The following FHIT variants were observed in gnomAD, a reference collection of about 807,000 sequenced individuals.
FHIT encodes fragile histidine triad diadenosine triphosphatase.
A neutral mutation model predicts 17.9 loss-of-function variants in FHIT; 19 were observed. That is an observed-to-expected ratio of 1.06 (90% confidence interval 0.74 to 1.56). The LOEUF is 1.56. FHIT is among the 40% of genes most tolerant of loss of function. The pLI, the probability that FHIT is intolerant of heterozygous loss-of-function variation, is 0.00. For missense variants in FHIT, 248 were observed against 189.2 expected, an observed-to-expected ratio of 1.31 and a Z score of -1.82; for synonymous variants, 81 against 69.7, an observed-to-expected ratio of 1.16 and a Z score of -0.81.
At chr3:60,861,181 T>G (rs1447683795) in intron 3 of FHIT, among the ~76,000 whole-genome samples, 1 of 23,936 alleles carries the variant, frequency 4.2e-5, no homozygotes, top group Non-Finnish European at 7.3e-5. Context: ...TTCTATGATA[T>G]ATATGATATA....
At chr3:60,403,209 G>C (rs1012497141) in intron 5 of FHIT, among the ~76,000 whole-genome samples, 2 of 152,212 alleles carry the variant, frequency 1.3e-5, no homozygotes, top group Non-Finnish European at 2.9e-5. Flanking sequence ...TTTAACAACA[G>C]AGCTGGGCAA....
chr3:60,634,840 T>C lies in FHIT; in HGVS notation c.-17-97861A>G, dbSNP rs142026373. ...GTCACAGGGATTTGTTTTAACATGA[T>C]TTCTTTTGCATTCCCATGTGGAAAA... On this transcript the variant is annotated intron_variant, in intron 4 of 9. Transcript: ENST00000492590. Among the ~76,000 whole-genome samples, 9 of 152,336 alleles carry C rather than the reference T, an allele frequency of 5.9e-5. No homozygotes were observed. In the East Asian group the frequency reaches 1.2e-3, roughly 20 times the overall value.
chr3:60,616,433 A>G (rs553525227), intron 4 of FHIT, among the ~76,000 whole-genome samples: 7 of 152,278 alleles, frequency 4.6e-5, no homozygotes, highest in Admixed American at 1.3e-4. Context: ...TCTTTTTTAA[A>G]ATTTTTTTAA....
chr3:60,136,857 T>C (rs969022560), intron 5 of FHIT, among the ~76,000 whole-genome samples: 1 of 144,484 alleles, frequency 6.9e-6, no homozygotes, highest in Non-Finnish European at 1.5e-5. Context: ...TATGGATTAG[T>C]AACAGTCTGA....
intron 5 of FHIT, among the ~76,000 whole-genome samples, chr3:60,468,531 C>G (rs1006866463): frequency 2.0e-5 from 3 of 152,052 alleles, no homozygotes; most frequent in Admixed American, 6.6e-5. Context: ...TTATATTAAA[C>G]AGATGACAAC....
At chr3:60,364,531 A>T (rs938447951) in intron 5 of FHIT, among the ~76,000 whole-genome samples, 1 of 152,238 alleles carries the variant, frequency 6.6e-6, no homozygotes, top group African/African-American at 2.4e-5. Flanking sequence ...GAATGAATAT[A>T]TTGCTGTTAC....
intron 4 of FHIT, among the ~76,000 whole-genome samples, chr3:60,642,263 G>A (rs1425111438): frequency 2.0e-5 from 3 of 152,178 alleles, no homozygotes; most frequent in Admixed American, 2.0e-4. Flanking sequence ...GCGGGGGATG[G>A]AGAATTACCA....
At chr3:60,311,490 G>A (rs1413717169) in intron 5 of FHIT, among the ~76,000 whole-genome samples, 1 of 152,234 alleles carries the variant, frequency 6.6e-6, no homozygotes, top group Middle Eastern at 3.4e-3. Context: ...TATGGCTACT[G>A]TGTTTTTCCA....
intron 5 of FHIT, among the ~76,000 whole-genome samples, chr3:60,122,046 A>T (rs1705281319): frequency 6.7e-6 from 1 of 148,888 alleles, no homozygotes. Context: ...GCAAATCTTA[A>T]ATTGTGATAG....
intron 1 of FHIT, among the ~76,000 whole-genome samples, chr3:61,239,017 G>A (rs1456921313): frequency 1.3e-5 from 2 of 152,158 alleles, no homozygotes; most frequent in Non-Finnish European, 2.9e-5. Context: ...TCCAGAGAGT[G>A]TATTAACAGG....
At chr3:59,771,380 T>C (rs148858196) in intron 8 of FHIT, among the ~76,000 whole-genome samples, 12 of 152,292 alleles carry the variant, frequency 7.9e-5, no homozygotes, top group Non-Finnish European at 1.2e-4. Context: ...ATGATAATAA[T>C]TTTTAAAAAA....
intron 8 of FHIT, among the ~76,000 whole-genome samples, chr3:59,802,209 T>C (rs1463973049): frequency 6.6e-6 from 1 of 152,088 alleles, no homozygotes; most frequent in Non-Finnish European, 1.5e-5. Context: ...TGGCTCAGGT[T>C]CCCCTACCCT....
chr3:60,594,069 T>A (rs2038180547), intron 4 of FHIT, among the ~76,000 whole-genome samples: 1 of 152,134 alleles, frequency 6.6e-6, no homozygotes. Context: ...AAGAAAAGCA[T>A]TTTGAGTGTT....
intron 5 of FHIT, among the ~76,000 whole-genome samples, chr3:60,267,537 A>G (rs1211066934): frequency 1.3e-5 from 2 of 152,086 alleles, no homozygotes; most frequent in Non-Finnish European, 2.9e-5. Flanking sequence ...AAATTCCTCA[A>G]AAGATGCAGC....
In FHIT at chr3:59,797,970, T is replaced by C. The variant is rs532914769; in HGVS notation, c.349-45649A>G. ...CATTCCTGTGAAGAACCTGAACATT[T>C]ACTACCACAAGAACAGTATATTCAA... On this transcript the variant is annotated intron_variant, in intron 8 of 9. Transcript: ENST00000492590. Among the ~76,000 whole-genome samples, 49 of 152,324 alleles carry C rather than the reference T, an allele frequency of 3.2e-4. 1 individual carries two copies. In the South Asian group the frequency reaches 9.9e-3, roughly 31 times the overall value.
At chr3:60,466,139 T>C (rs1046549370) in intron 5 of FHIT, among the ~76,000 whole-genome samples, 1 of 151,982 alleles carries the variant, frequency 6.6e-6, no homozygotes. Flanking sequence ...AGTTGATTTG[T>C]AGTTATTGTA....
chr3:60,236,997 T>C (rs1704831883), intron 5 of FHIT, among the ~76,000 whole-genome samples: 1 of 152,158 alleles, frequency 6.6e-6, no homozygotes, highest in African/African-American at 2.4e-5. Context: ...ATAAGGAACA[T>C]ACCTCATCCA....
intron 3 of FHIT, among the ~76,000 whole-genome samples, chr3:60,904,324 C>A (rs1364457769): frequency 6.6e-6 from 1 of 151,962 alleles, no homozygotes; most frequent in Non-Finnish European, 1.5e-5. Flanking sequence ...CCTTTGAGTT[C>A]AGCTGGGCCT....
intron 4 of FHIT, 45 bp from the exon 5 acceptor site, chr3:60,537,024 C>G: frequency 6.5e-7 from 1 of 1,543,200 alleles, no homozygotes; most frequent in Non-Finnish European, 8.7e-7. Flanking sequence ...AATTAAGAAA[C>G]TCAGTTCATA....
Sources: gnomAD v4.1 joint callset for allele counts (sites outside exome capture counted in the v4.1 genomes callset) on GRCh38, gnomAD v4.1.1 for gene constraint, MANE v1.5 for transcripts, NCBI Gene and HGNC (gene_info 2026-07-23, HGNC 2026-07-21) for gene names.